The following SH3GL3 variants were observed in gnomAD, a reference collection of about 807,000 sequenced individuals.
The protein encoded by SH3GL3 is SH3 domain containing GRB2 like 3, endophilin A3, also known as endophilin-A3.
Under a neutral mutation model 47.7 loss-of-function variants are expected in SH3GL3, and 33 were observed. That is an observed-to-expected ratio of 0.69 (90% CI 0.52 to 0.92). The LOEUF is 0.92. Among genes scored for constraint, SH3GL3 ranks in the 40% least tolerant of loss-of-function variants. SH3GL3 has a pLI of 0.00. For synonymous variants in SH3GL3, 155 were observed against 148.8 expected (o/e 1.04, Z -0.30); for missense variants, 363 against 417.8 (o/e 0.87, Z 1.14).
intron 1 of SH3GL3, among the ~76,000 whole-genome samples, chr15:83,509,806 C>T (rs1465950016): frequency 6.6e-6 from 1 of 152,144 alleles, no homozygotes; most frequent in Non-Finnish European, 1.5e-5. Context: ...AAAGAGTTTA[C>T]AATCACCTTG....
chr15:83,554,437 C>T (rs559333556), intron 1 of SH3GL3, among the ~76,000 whole-genome samples: 4 of 152,224 alleles, frequency 2.6e-5, no homozygotes, highest in Admixed American at 6.5e-5. Flanking sequence ...TCCACCACTT[C>T]GGCCTCCCAA....
intron 1 of SH3GL3, among the ~76,000 whole-genome samples, chr15:83,555,832 G>T (rs899862150): frequency 6.6e-6 from 1 of 152,154 alleles, no homozygotes; most frequent in Non-Finnish European, 1.5e-5. Flanking sequence ...CAGGCAAGAA[G>T]CCCAGCAGGC....
intron 1 of SH3GL3, among the ~76,000 whole-genome samples, chr15:83,513,752 C>T (rs1173853929): frequency 6.6e-6 from 1 of 152,120 alleles, no homozygotes; most frequent in African/African-American, 2.4e-5. Context: ...TAAATCTTTG[C>T]TGAATGGAAT....
At chr15:83,627,693 C>A in the SH3GL3 span, among the ~76,000 whole-genome samples, 1 of 152,086 alleles carries the variant, frequency 6.6e-6, no homozygotes, top group Non-Finnish European at 1.5e-5. Flanking sequence ...GTTTTTAAAG[C>A]CCCCAAATGA....
the SH3GL3 span, among the ~76,000 whole-genome samples, chr15:83,629,274 G>C: frequency 6.0e-4 from 92 of 152,178 alleles, no homozygotes; most frequent in Non-Finnish European, 2.4e-4. Context: ...CCAAAACAAA[G>C]AGAAGAACAA....
At chr15:83,484,891 T>C (rs2041525422) in intron 1 of SH3GL3, among the ~76,000 whole-genome samples, 1 of 152,226 alleles carries the variant, frequency 6.6e-6, no homozygotes, top group South Asian at 2.1e-4. Flanking sequence ...TTGGTTGCCT[T>C]CTGTTGCGAA....
chr15:83,502,755 GT>G (rs2042346562), intron 1 of SH3GL3, among the ~76,000 whole-genome samples: 1 of 152,146 alleles, frequency 6.6e-6, no homozygotes, highest in South Asian at 2.1e-4. Context: ...TGTTGAGGGG[GT>G]TTCACTATGT....
At chr15:83,524,927 ATTCTGTGTC>A (rs2043352351) in intron 1 of SH3GL3, among the ~76,000 whole-genome samples, 2 of 152,012 alleles carry the variant, frequency 1.3e-5, no homozygotes, top group African/African-American at 4.8e-5. Flanking sequence ...TGAACACATG[ATTCTGTGTC>A]TTTGCCATTG....
At chr15:83,593,375 C>T (rs960345513) in intron 8 of SH3GL3, among the ~76,000 whole-genome samples, 1 of 152,232 alleles carries the variant, frequency 6.6e-6, no homozygotes, top group Non-Finnish European at 1.5e-5. Context: ...GAATTTCTCT[C>T]AGCAGTGTTT....
intron 1 of SH3GL3, among the ~76,000 whole-genome samples, chr15:83,545,314 T>C (rs2044343945): frequency 6.6e-6 from 1 of 152,220 alleles, no homozygotes; most frequent in Non-Finnish European, 1.5e-5. Flanking sequence ...GATGCATTCT[T>C]CAGTTTGTCA....
At chr15:83,504,169 C>G (rs979627698) in intron 1 of SH3GL3, among the ~76,000 whole-genome samples, 1 of 152,126 alleles carries the variant, frequency 6.6e-6, no homozygotes, top group African/African-American at 2.4e-5. Flanking sequence ...ATCTGACATA[C>G]CTTGGAACAG....
intron 1 of SH3GL3, among the ~76,000 whole-genome samples, chr15:83,496,792 T>G (rs909610512): frequency 1.3e-5 from 2 of 152,144 alleles, no homozygotes; most frequent in Non-Finnish European, 2.9e-5. Flanking sequence ...GTCATTAGCT[T>G]TGGACCTTAG....
At chr15:83,517,205 C>CTTTTTTTTTTTTTTTT (rs36096315) in intron 1 of SH3GL3, among the ~76,000 whole-genome samples, 5 of 109,680 alleles carry the variant, frequency 4.6e-5, no homozygotes, top group African/African-American at 6.7e-5. Flanking sequence ...CTTTTCTTTT[C>CTTTTTTTTTTTTTTTT]TTTTTTTTTT....
chr15:83,546,979 G>A (rs1471923890), intron 1 of SH3GL3, among the ~76,000 whole-genome samples: 1 of 152,094 alleles, frequency 6.6e-6, no homozygotes, highest in African/African-American at 2.4e-5. Context: ...GAGCCGCATT[G>A]CCTGGAGTTG....
intron 1 of SH3GL3, among the ~76,000 whole-genome samples, chr15:83,515,529 G>C (rs11638296): frequency 1.6e-4 from 25 of 152,114 alleles, no homozygotes; most frequent in African/African-American, 2.9e-4. Flanking sequence ...TGCAGGTGGG[G>C]GGGGAGGGGA....
At chr15:83,570,085 C>A (rs1347535575) in intron 4 of SH3GL3, among the ~76,000 whole-genome samples, 1 of 152,068 alleles carries the variant, frequency 6.6e-6, no homozygotes, top group Non-Finnish European at 1.5e-5. Flanking sequence ...TTTTTCATCC[C>A]ACTCCCTGGC....
intron 1 of SH3GL3, among the ~76,000 whole-genome samples, chr15:83,518,583 GTTAT>G (rs2043086102): frequency 6.6e-6 from 1 of 152,092 alleles, no homozygotes; most frequent in South Asian, 2.1e-4. Flanking sequence ...TTTCAATGGG[GTTAT>G]TTGTTTTTTG....
rs544267263 is a variant in SH3GL3, at chr15:83,509,064, A to G, written c.46-50189A>G. Reference sequence around the variant, plus strand: ...ATGAATGTTTTTACCTACATCGGGCATTTTAGCGTGCATTAAGAAACTACA... The same window carrying G: ...ATGAATGTTTTTACCTACATCGGGCGTTTTAGCGTGCATTAAGAAACTACA... On this transcript the variant is annotated intron_variant, in intron 1 of 8. Transcript: ENST00000427482. 3.3e-5 allele frequency among the ~76,000 whole-genome samples: 5 copies of G among 152,350 alleles called. No homozygotes were observed. The South Asian group carries it at 1.0e-3, about 32-fold the overall frequency.
intron 1 of SH3GL3, among the ~76,000 whole-genome samples, chr15:83,469,577 CCATG>C (rs2040737033): frequency 6.6e-6 from 1 of 152,108 alleles, no homozygotes; most frequent in African/African-American, 2.4e-5. Context: ...TTTCTTTGAT[CCATG>C]TATCATTTAG....
Sources: gnomAD v4.1 joint callset for allele counts (sites outside exome capture counted in the v4.1 genomes callset) on GRCh38, gnomAD v4.1.1 for gene constraint, MANE v1.5 for transcripts, NCBI Gene and HGNC (gene_info 2026-07-23, HGNC 2026-07-21) for gene names.